The following ZFAT variants were observed in gnomAD, a reference collection of about 807,000 sequenced individuals.
ZFAT encodes zinc finger protein ZFAT.
ZFAT carries 64 observed loss-of-function variants against 117.7 expected under a neutral mutation model. That is an observed-to-expected ratio of 0.54 (90% CI 0.44 to 0.67). The LOEUF (loss-of-function observed/expected upper bound fraction) is 0.67, where lower values mean the gene tolerates loss of function less well. Among genes scored for constraint, ZFAT ranks in the 30% least tolerant of loss-of-function variants. The pLI is 0.00. For synonymous variants in ZFAT, 679 were observed against 615.0 expected (o/e 1.10, Z -1.54); for missense variants, 1,433 against 1,584.5 (o/e 0.90, Z 1.62).
chr8:134,686,997 C>G (rs948695102), intron 1 of ZFAT, among the ~76,000 whole-genome samples: 1 of 152,178 alleles, frequency 6.6e-6, no homozygotes, highest in Non-Finnish European at 1.5e-5. Context: ...GAGACAGAGA[C>G]AGCATCTTCA....
intron 3 of ZFAT, among the ~76,000 whole-genome samples, chr8:134,615,389 A>G (rs1323367921): frequency 2.0e-5 from 3 of 152,124 alleles, no homozygotes; most frequent in Non-Finnish European, 4.4e-5. Context: ...GGGTTTCGCC[A>G]TGTTAGCCAG....
chr8:134,542,676 G>T (rs1382277491), intron 11 of ZFAT, among the ~76,000 whole-genome samples: 1 of 152,240 alleles, frequency 6.6e-6, no homozygotes, highest in Non-Finnish European at 1.5e-5. Flanking sequence ...TTCAAAGTCT[G>T]CCAGAGCCTG....
the ZFAT span, among the ~76,000 whole-genome samples, chr8:134,721,419 C>T: frequency 6.6e-6 from 1 of 152,192 alleles, no homozygotes; most frequent in African/African-American, 2.4e-5. Flanking sequence ...AATTCTCATG[C>T]ATGCCTTTCA....
At position 134,561,434 on chromosome 8, in the gene ZFAT, G is replaced by GA. The variant is rs199898077; in HGVS notation, c.2976+3898dup. ...CCTAGGCACCGATTTCCATCAAAAA[G>GA]AAAAAAAAATCTGCATTTATAATAT... On this transcript the variant is annotated intron_variant, in intron 11 of 15. Transcript: ENST00000377838. Among the ~76,000 whole-genome samples the GA allele has an allele frequency of 4.1e-3, 607 of 149,860 alleles. 2 individuals carry two copies. Among genetic ancestry groups the GA allele is most frequent in the African/African-American group, 5.7e-3 (231 of 40,852 alleles).
chr8:134,591,080 CCA>C (rs1826468176), intron 7 of ZFAT, among the ~76,000 whole-genome samples: 1 of 152,138 alleles, frequency 6.6e-6, no homozygotes, highest in South Asian at 2.1e-4. Context: ...TGCGGGTCTA[CCA>C]CACACACCAG....
intron 11 of ZFAT, among the ~76,000 whole-genome samples, chr8:134,538,496 C>A (rs953932221): frequency 1.3e-5 from 2 of 152,166 alleles, no homozygotes; most frequent in African/African-American, 4.8e-5. Context: ...TCAAAAAAAT[C>A]TTTCTCAAAA....
intron 1 of ZFAT, among the ~76,000 whole-genome samples, chr8:134,706,878 C>CAA (rs778702954): frequency 6.5e-4 from 82 of 125,246 alleles, no homozygotes; most frequent in African/African-American, 2.1e-3. Flanking sequence ...TATAGTACGC[C>CAA]AAAAAAAAAA....
the ZFAT span, among the ~76,000 whole-genome samples, chr8:134,718,270 A>G: frequency 6.6e-6 from 1 of 152,168 alleles, no homozygotes; most frequent in Non-Finnish European, 1.5e-5. Flanking sequence ...AGGCCGAGGC[A>G]GGAGGATCAC....
At chr8:134,761,772 A>G in the ZFAT span, among the ~76,000 whole-genome samples, 2 of 152,208 alleles carry the variant, frequency 1.3e-5, no homozygotes, top group African/African-American at 4.8e-5. Flanking sequence ...ATAAGTCACA[A>G]CAATAACCAC....
intron 1 of ZFAT, among the ~76,000 whole-genome samples, chr8:134,667,273 C>T (rs1832275199): frequency 6.6e-6 from 1 of 152,006 alleles, no homozygotes; most frequent in Admixed American, 6.5e-5. Flanking sequence ...ATGGGCGGAT[C>T]AGAGGTCAGG....
intron 7 of ZFAT, among the ~76,000 whole-genome samples, chr8:134,594,036 C>T (rs1289430551): frequency 2.0e-5 from 3 of 152,182 alleles, no homozygotes; most frequent in Non-Finnish European, 2.9e-5. Context: ...GAAACGTGCT[C>T]GATTTGGGAT....
At chr8:134,596,813 T>C (rs557884985) in intron 7 of ZFAT, among the ~76,000 whole-genome samples, 59 of 152,194 alleles carry the variant, frequency 3.9e-4, no homozygotes, top group Non-Finnish European at 7.1e-4. Context: ...TGAAAGAAAT[T>C]TCATATGAAA....
intron 13 of ZFAT, among the ~76,000 whole-genome samples, chr8:134,516,008 G>A (rs1451140003): frequency 6.6e-6 from 1 of 152,194 alleles, no homozygotes; most frequent in African/African-American, 2.4e-5. Context: ...TTTTAGGTTT[G>A]TTCAAATCAA....
chr8:134,512,273 T>C (rs150921260), intron 14 of ZFAT, among the ~76,000 whole-genome samples: 1 of 152,364 alleles, frequency 6.6e-6, no homozygotes, highest in East Asian at 1.9e-4. Flanking sequence ...AGGCTTTCCC[T>C]CTGCTTTGGC....
the ZFAT span, among the ~76,000 whole-genome samples, chr8:134,827,675 G>C: frequency 6.6e-6 from 1 of 151,586 alleles, no homozygotes; most frequent in Non-Finnish European, 1.5e-5. Context: ...GGCTGAGGCA[G>C]GAGAATTGCT....
chr8:134,623,509 C>T (rs989055918), intron 3 of ZFAT, among the ~76,000 whole-genome samples: 1 of 152,194 alleles, frequency 6.6e-6, no homozygotes, highest in Non-Finnish European at 1.5e-5. Flanking sequence ...TCTGCATCTC[C>T]TCTGGGCTCT....
At chr8:134,661,481 TGGCC>T (rs757617984) in intron 1 of ZFAT, among the ~76,000 whole-genome samples, 60 of 152,296 alleles carry the variant, frequency 3.9e-4, no homozygotes, top group Non-Finnish European at 7.1e-4. Flanking sequence ...GATTCTGCAA[TGGCC>T]CCATCACATG....
rs375140684 is a variant in ZFAT at position 134,639,995 on chromosome 8, G to A, written c.197-2283C>T. ...ACAGGGAGGTGATTTCTAGGCCCCC[G>A]GATGTCCCTCCTGATGTCCTATGTT... On this transcript the variant is annotated intron_variant, in intron 2 of 15. Transcript: ENST00000377838. The A allele has an allele frequency of 1.6e-4, 56 of 350,828 alleles. 2 individuals are homozygous for A. Among genetic ancestry groups the A allele is most frequent in the South Asian group, 1.1e-3 (53 of 46,356 alleles). 21.7% of individuals were successfully genotyped at this position (350,828 alleles called of 1,614,324 possible). A position where few individuals can be genotyped will look rare whatever the true frequency, so the allele number is the denominator to read the frequency against.
intron 11 of ZFAT, 123 bp from the exon 12 acceptor site, chr8:134,533,095 G>GCCCC: frequency 2.1e-6 from 3 of 1,407,960 alleles, no homozygotes; most frequent in Non-Finnish European, 2.9e-6. Context: ...CATCACCTGT[G>GCCCC]ATATGTTCTA....
Sources: allele counts gnomAD v4.1 joint callset (sites outside exome capture counted in the v4.1 genomes callset), GRCh38; gene constraint gnomAD v4.1.1; transcripts MANE v1.5; gene names NCBI Gene and HGNC (gene_info 2026-07-23, HGNC 2026-07-21).